Variants in ACLY observed in about 807,000 individuals in gnomAD.
ACLY encodes the protein ATP-citrate synthase.
ACLY carries 41 observed loss-of-function variants against 133.0 expected under a neutral mutation model. The observed-to-expected ratio is 0.31, with a 90% CI of 0.24 to 0.40. The LOEUF is 0.40. Ranked by LOEUF, ACLY falls within the 10% of genes least tolerant of loss-of-function variation. ACLY has a pLI of 1.00. For synonymous variants in ACLY, 495 were observed against 549.3 expected (o/e 0.90, Z 1.38); for missense variants, 1,046 against 1,453.8 (o/e 0.72, Z 4.56).
At chr17:41,921,098 C>T (rs142712178), upstream of ACLY, among the ~76,000 whole-genome samples, 43 of 144,888 alleles carry the variant, frequency 3.0e-4, no homozygotes, top group African/African-American at 9.2e-4. Context: ...TGCACTCTAG[C>T]GGGGGCAACA....
Position 41,873,911 on chromosome 17 carries a change from G to A in ACLY, c.2542C>T (p.Arg848Ter). The A allele has an allele frequency of 1.2e-6, 2 of 1,609,858 alleles. No individual in the cohort carries two copies. The highest frequency in any genetic ancestry group is 8.5e-7 in the Non-Finnish European group (1 of 1,177,050). The change falls in exon 23 of 29, where the codon CGA becomes TGA. Residue 848 changes from arginine (R) to a stop codon, truncating the protein, a stop_gained. Coordinates refer to ENST00000352035, the MANE Select transcript of ACLY (RefSeq NM_001096.3). LOFTEE classifies it high-confidence loss of function. Reference sequence around the variant, plus strand: ...CCCGCGTAGATGAGCTCCTGTCCTCGCTCATCGCAGATGCTGGTCATGAAC... The same window carrying A: ...CCCGCGTAGATGAGCTCCTGTCCTCACTCATCGCAGATGCTGGTCATGAAC... ...ASFMTSICDE[R>*]GQELIYAGMP...
intron 11 of ACLY, among the ~76,000 whole-genome samples, chr17:41,899,523 T>C (rs1339900296): frequency 1.3e-5 from 2 of 152,114 alleles, no homozygotes; most frequent in Non-Finnish European, 2.9e-5. Context: ...GGCTGCTCTC[T>C]GGTCTCCCAG....
At chr17:41,926,146 G>C (rs1296850412) in intron 1 of ACLY, among the ~76,000 whole-genome samples, 3 of 151,936 alleles carry the variant, frequency 2.0e-5, no homozygotes, top group Non-Finnish European at 2.9e-5. Context: ...CGCCCGGCCA[G>C]ACATGTATGT....
intron 16 of ACLY, among the ~76,000 whole-genome samples, chr17:41,888,464 C>T (rs929777777): frequency 5.3e-5 from 8 of 152,176 alleles, no homozygotes; most frequent in South Asian, 2.1e-4. Context: ...ACAGGGTCAG[C>T]GTTTAAGAGA....
chr17:41,896,746 C>G (rs41280074), intron 13 of ACLY, 97 bp from the exon 14 acceptor site: 23 of 1,142,192 alleles, frequency 2.0e-5, no homozygotes, highest in Admixed American at 5.1e-5. Context: ...CATGGACAAG[C>G]CTTTCAGGGC....
chr17:41,909,601 C>T lies in ACLY; in HGVS notation c.445G>A (p.Ala149Thr), dbSNP rs781824325. Reference sequence around the variant, plus strand: ...TCCACGCCAACAAGCAGCTTCTGGGCCTTGGCGTCCACATCACCCACGTCC... The same window carrying T: ...TCCACGCCAACAAGCAGCTTCTGGGTCTTGGCGTCCACATCACCCACGTCC... ...GVDVGDVDAK[A>T]QKLLVGVDEK... Residue 149 changes from alanine (A) to threonine (T), a missense_variant, in exon 5 of 29, where the codon GCC becomes ACC. This residue lies in a region of ACLY where 227 missense variants were observed against 245.6 expected (regional missense o/e 0.92). Coordinates refer to ENST00000352035, the MANE Select transcript of ACLY (RefSeq NM_001096.3). 1 of 1,614,170 alleles carries T rather than the reference C, an allele frequency of 6.2e-7. No individual in the cohort carries two copies. Among genetic ancestry groups the T allele is most frequent in the Non-Finnish European group, 8.5e-7 (1 of 1,180,020 alleles).
At chr17:41,874,559 C>A (rs556918374) in intron 22 of ACLY, among the ~76,000 whole-genome samples, 1 of 151,056 alleles carries the variant, frequency 6.6e-6, no homozygotes, top group African/African-American at 2.4e-5. Context: ...AGGCGTGAGA[C>A]CCAGTCCATT....
At position 41,893,110 on chromosome 17, in the gene ACLY, G is replaced by A. The variant is rs142245086; in HGVS notation, c.1524C>T (p.Ala508=). The change falls in exon 15 of 29, where the codon GCC becomes GCT. Residue 508 remains alanine, a synonymous_variant. Transcript: ENST00000352035. The part of the protein sequence containing the change: ...KAIVWGMQTR[A]VQGMLDFDYV... ...AGTCAAAGTCCAGCATGCCTTGCAC[G>A]GCCCGGGTCTGCATGCCCCACACAA... 8.1e-6 allele frequency: 13 copies of A among 1,614,026 alleles called. No individual in the cohort carries two copies. Among genetic ancestry groups the A allele is most frequent in the African/African-American group, 8.0e-5 (6 of 74,930 alleles).
At chr17:41,919,374 CTTCCCTTGGGAG>C (rs1555635145), upstream of ACLY, among the ~76,000 whole-genome samples, 7 of 152,248 alleles carry the variant, frequency 4.6e-5, no homozygotes. Context: ...ACCCTTGCTC[CTTCCCTTGGGAG>C]AAACGGACGT....
chr17:41,897,948 A>G (rs1555630747), intron 12 of ACLY, 109 bp from the exon 13 acceptor site: 1 of 894,036 alleles, frequency 1.1e-6, no homozygotes, highest in Non-Finnish European at 1.7e-6. Flanking sequence ...TATGCACAGC[A>G]ATGCTCTTTA....
chr17:41,881,040 C>T (rs1316542140), intron 20 of ACLY, among the ~76,000 whole-genome samples: 2 of 151,536 alleles, frequency 1.3e-5, no homozygotes, highest in Non-Finnish European at 2.9e-5. Flanking sequence ...GCAAAGCAAG[C>T]CAGGAGAAAC....
chr17:41,878,417 A>G (rs2048818192), intron 21 of ACLY, among the ~76,000 whole-genome samples: 1 of 152,184 alleles, frequency 6.6e-6, no homozygotes, highest in Non-Finnish European at 1.5e-5. Flanking sequence ...GCAAGGAAGG[A>G]CACAGCCGGG....
At chr17:41,871,883 G>C (rs1555625130) in intron 24 of ACLY, 51 bp from the exon 25 acceptor site, 1 of 1,608,588 alleles carries the variant, frequency 6.2e-7, no homozygotes. Flanking sequence ...GTTTCCTTCA[G>C]CTGGGCAAAC....
intron 14 of ACLY, among the ~76,000 whole-genome samples, chr17:41,895,177 C>T (rs1435939500): frequency 1.3e-5 from 2 of 152,194 alleles, no homozygotes; most frequent in Non-Finnish European, 2.9e-5. Flanking sequence ...ATTACACAAT[C>T]ACTTAAAATG....
Position 41,897,787 on chromosome 17 carries a change from A to G in ACLY, c.1391T>C (p.Val464Ala). Residue 464 changes from valine to alanine, a missense_variant, in exon 13 of 29, where the codon GTG (valine) becomes GCG (alanine). By Grantham distance (64) the Val-to-Ala change is moderately conservative. This residue lies in a region of ACLY where 575 missense variants were observed against 804.2 expected (regional missense o/e 0.71). Transcript: ENST00000352035. ...AGGCTTGGCCTTCTTTGCAGGCGCC[A>G]CCTCATCGGCCCTGGACTCAGAAAA... ...ASFSESRADE[V>A]APAKKAKPAM... 1 of 1,612,932 alleles carries G rather than the reference A, an allele frequency of 6.2e-7. No homozygotes were observed. The highest frequency in any genetic ancestry group is 8.5e-7 in the Non-Finnish European group (1 of 1,179,540).
Position 41,867,759 on chromosome 17 carries a change from T to C in ACLY, c.*51A>G, listed in dbSNP as rs781833567. On this transcript the variant is annotated 3_prime_UTR_variant, in exon 29 of 29. Coordinates refer to ENST00000352035, the MANE Select transcript of ACLY (RefSeq NM_001096.3). ...TGCCAGCTGTCTGTACACTTTTTCT[T>C]GGGGGAAGAGATCTTGTCTTCAGTT... 13 of 1,461,292 alleles carry C rather than the reference T, an allele frequency of 8.9e-6. No homozygotes were observed. The South Asian group carries it at 1.6e-4, about 18-fold the overall frequency. 90.5% of individuals were successfully genotyped at this position (1,461,292 alleles called of 1,614,324 possible).
chr17:41,913,756 A>G lies in ACLY; in HGVS notation c.118T>C (p.Trp40Arg). 3.1e-6 allele frequency: 5 copies of G among 1,614,242 alleles called. No individual in the cohort carries two copies. Among genetic ancestry groups the G allele is most frequent in the Non-Finnish European group, 4.2e-6 (5 of 1,180,048 alleles). Residue 40 changes from tryptophan to arginine, a missense_variant, in exon 2 of 29, where the codon TGG (tryptophan) becomes CGG (arginine). Transcript: ENST00000352035. ...GGGTGGTCCTGCAGCAAGCGGGCCCAGTCTGTGTCAGGAGTGACCCGAGCA... is the reference window on the plus strand; with the variant it reads ...GGGTGGTCCTGCAGCAAGCGGGCCCGGTCTGTGTCAGGAGTGACCCGAGCA... ...KYARVTPDTD[W>R]ARLLQDHPWL... is the part of the protein sequence containing the mutation.
intron 11 of ACLY, among the ~76,000 whole-genome samples, chr17:41,900,387 G>GAA (rs76063924): frequency 6.6e-6 from 1 of 150,802 alleles, no homozygotes; most frequent in African/African-American, 2.4e-5. Flanking sequence ...AGAAAAAAAA[G>GAA]AAAAAAAATT....
intron 8 of ACLY, 115 bp from the exon 9 acceptor site, chr17:41,905,773 G>C: frequency 2.3e-6 from 3 of 1,311,248 alleles, no homozygotes; most frequent in South Asian, 2.6e-5. Context: ...CTGTGGAACC[G>C]GCCTCTTGGA....
Sources: gnomAD v4.1 joint callset for allele counts (sites outside exome capture counted in the v4.1 genomes callset) on GRCh38, gnomAD v4.1.1 for gene constraint, gnomAD v4.1.1 regional missense constraint, MANE v1.5 for transcripts, NCBI Gene and HGNC (gene_info 2026-07-23, HGNC 2026-07-21) for gene names.